Variants in RAB10 observed in about 807,000 individuals in gnomAD.
RAB10 encodes the protein RAB10, member RAS oncogene family, also known as ras-related protein Rab-10.
In RAB10, 5 loss-of-function variants were observed where a neutral mutation model predicts 25.7. That is an observed-to-expected ratio of 0.19 (90% CI 0.10 to 0.41). The LOEUF is 0.41. RAB10 is among the 10% of genes least tolerant of loss of function. RAB10 has a pLI of 1.00. For synonymous variants in RAB10, 89 were observed against 86.4 expected (o/e 1.03, Z -0.16); for missense variants, 103 against 245.8 (o/e 0.42, Z 3.89).
chr2:26,104,759 A>T (rs1374054697), intron 2 of RAB10, among the ~76,000 whole-genome samples: 1 of 138,756 alleles, frequency 7.2e-6, no homozygotes. Context: ...TTTTTTTGAG[A>T]TGGAGTCTTG....
intron 1 of RAB10, among the ~76,000 whole-genome samples, chr2:26,077,762 G>A (rs1055913413): frequency 6.6e-6 from 1 of 152,094 alleles, no homozygotes; most frequent in East Asian, 1.9e-4. Flanking sequence ...GGCGGATCAC[G>A]AGGTCAGGAG....
chr2:26,116,158 C>A, intron 3 of RAB10, among the ~76,000 whole-genome samples: 1 of 152,016 alleles, frequency 6.6e-6, no homozygotes, highest in South Asian at 2.1e-4. Context: ...TGAGCCACTG[C>A]GCCCCACCAG....
chr2:26,093,306 C>T (rs1030242048), intron 1 of RAB10, among the ~76,000 whole-genome samples: 1 of 151,948 alleles, frequency 6.6e-6, no homozygotes, highest in African/African-American at 2.4e-5. Flanking sequence ...ATAATTTTTT[C>T]CCTGGAAAAA....
chr2:26,095,738 G>A (rs775679277), intron 1 of RAB10, among the ~76,000 whole-genome samples: 3 of 151,922 alleles, frequency 2.0e-5, no homozygotes, highest in African/African-American at 4.8e-5. Context: ...ATATTGGGAC[G>A]TCGTTTCTAC....
At chr2:26,120,836 C>T (rs1047994768) in intron 3 of RAB10, among the ~76,000 whole-genome samples, 11 of 152,106 alleles carry the variant, frequency 7.2e-5, no homozygotes, top group East Asian at 3.9e-4. Flanking sequence ...GTGATCCGCC[C>T]GCCTCGGCCT....
chr2:26,097,476 C>G (rs1158271077), intron 1 of RAB10, among the ~76,000 whole-genome samples: 1 of 152,116 alleles, frequency 6.6e-6, no homozygotes, highest in East Asian at 1.9e-4. Flanking sequence ...CGGGGTTTCA[C>G]CACATTAGCC....
chr2:26,070,575 T>C (rs1401064328), intron 1 of RAB10, among the ~76,000 whole-genome samples: 2 of 152,218 alleles, frequency 1.3e-5, no homozygotes, highest in African/African-American at 4.8e-5. Flanking sequence ...GTAACTATTA[T>C]CATTTTACAG....
chr2:26,103,425 T>A (rs1012339524), intron 2 of RAB10, among the ~76,000 whole-genome samples: 1 of 152,146 alleles, frequency 6.6e-6, no homozygotes, highest in Non-Finnish European at 1.5e-5. Flanking sequence ...TACCTCAAAA[T>A]GAGAGGGGCT....
chr2:26,110,206 T>G (rs978553213), intron 3 of RAB10, among the ~76,000 whole-genome samples: 1 of 152,012 alleles, frequency 6.6e-6, no homozygotes, highest in South Asian at 2.1e-4. Context: ...GGTGTGGTGA[T>G]GTGCACCTGT....
chr2:26,090,408 C>T (rs1254203597), intron 1 of RAB10, among the ~76,000 whole-genome samples: 1 of 148,972 alleles, frequency 6.7e-6, no homozygotes, highest in Non-Finnish European at 1.5e-5. Context: ...TTGTGATGTA[C>T]TTTGGTGTAA....
At chr2:26,111,842 C>G (rs375431031) in intron 3 of RAB10, among the ~76,000 whole-genome samples, 1 of 152,102 alleles carries the variant, frequency 6.6e-6, no homozygotes, top group African/African-American at 2.4e-5. Context: ...TTTAAGGACT[C>G]ATTCCTACAA....
chr2:26,037,760 A>G (rs1286556102), intron 1 of RAB10, among the ~76,000 whole-genome samples: 1 of 152,212 alleles, frequency 6.6e-6, no homozygotes, highest in Non-Finnish European at 1.5e-5. Flanking sequence ...GTAGGAGCAC[A>G]GTGCATATTA....
chr2:26,080,414 T>A (rs1293426666), intron 1 of RAB10, among the ~76,000 whole-genome samples: 2 of 152,222 alleles, frequency 1.3e-5, no homozygotes, highest in Non-Finnish European at 2.9e-5. Context: ...AGAAACATGA[T>A]AATTATTTAG....
chr2:26,084,684 T>A (rs959436861), intron 1 of RAB10, among the ~76,000 whole-genome samples: 4 of 146,768 alleles, frequency 2.7e-5, no homozygotes, highest in Non-Finnish European at 4.5e-5. Context: ...TATAAGGTTC[T>A]ATGTAATTTT....
At chr2:26,088,844 C>T (rs944922770) in intron 1 of RAB10, among the ~76,000 whole-genome samples, 4 of 151,912 alleles carry the variant, frequency 2.6e-5, no homozygotes, top group South Asian at 2.1e-4. Context: ...AGACTGGTCT[C>T]GAACTCCTGA....
intron 1 of RAB10, chr2:26,042,902 G>A (rs1010991709): frequency 6.6e-6 from 1 of 152,024 alleles, no homozygotes; most frequent in Non-Finnish European, 1.5e-5. Flanking sequence ...CAAAACCACA[G>A]TGAGATGTTA....
intron 3 of RAB10, among the ~76,000 whole-genome samples, chr2:26,114,614 G>T (rs1019013410): frequency 6.6e-6 from 1 of 152,038 alleles, no homozygotes; most frequent in Non-Finnish European, 1.5e-5. Context: ...ACAAAGGTTG[G>T]GTATGGTGAC....
intron 3 of RAB10, among the ~76,000 whole-genome samples, chr2:26,114,291 TGAAAAG>T (rs1667638485): frequency 6.8e-6 from 1 of 146,428 alleles, no homozygotes; most frequent in Non-Finnish European, 1.5e-5. Context: ...AAAATAATCT[TGAAAAG>T]GAAGTACACA....
intron 2 of RAB10, among the ~76,000 whole-genome samples, chr2:26,106,052 T>C (rs774219944): frequency 1.3e-5 from 2 of 152,250 alleles, no homozygotes; most frequent in South Asian, 2.1e-4. Context: ...GTGGATGATA[T>C]ATAAAGAGGA....
Sources: gnomAD v4.1 joint callset for allele counts (sites outside exome capture counted in the v4.1 genomes callset) on GRCh38, gnomAD v4.1.1 for gene constraint, MANE v1.5 for transcripts, NCBI Gene and HGNC (gene_info 2026-07-23, HGNC 2026-07-21) for gene names.